PIK3C3: variants seen among roughly 807,000 people sequenced by gnomAD.
PIK3C3 encodes the protein PI3-kinase type 3.
Under a neutral mutation model 126.1 loss-of-function variants are expected in PIK3C3, and 95 were observed. The observed-to-expected ratio is 0.75, with a 90% CI of 0.64 to 0.89. PIK3C3 has a LOEUF of 0.89. PIK3C3 is among the 40% of genes least tolerant of loss of function. The pLI is 0.00. For synonymous variants in PIK3C3, 374 were observed against 360.0 expected, an observed-to-expected ratio of 1.04 and a Z score of -0.44; for missense variants, 829 against 1,063.2, an observed-to-expected ratio of 0.78 and a Z score of 3.06.
chr18:41,981,494 C>T (rs1293165734), intron 4 of PIK3C3, among the ~76,000 whole-genome samples: 2 of 152,110 alleles, frequency 1.3e-5, no homozygotes, highest in Non-Finnish European at 2.9e-5. Flanking sequence ...AGATTTGTGA[C>T]CAAGACTTCA....
chr18:42,063,987 T>A (rs1985431179), intron 22 of PIK3C3, among the ~76,000 whole-genome samples: 1 of 151,884 alleles, frequency 6.6e-6, no homozygotes, highest in Non-Finnish European at 1.5e-5. Flanking sequence ...AGTGGAGAGG[T>A]CCCAGTGGAG....
At chr18:42,007,038 A>G (rs1425666349) in intron 10 of PIK3C3, among the ~76,000 whole-genome samples, 2 of 151,166 alleles carry the variant, frequency 1.3e-5, no homozygotes, top group African/African-American at 4.9e-5. Context: ...TACTTTTTTG[A>G]ATTTCTTTTT....
chr18:41,987,358 A>C (rs111333478), intron 4 of PIK3C3, among the ~76,000 whole-genome samples: 1,646 of 152,216 alleles, frequency 0.011, 29 homozygotes, highest in African/African-American at 0.038. Context: ...GTGTGAGCTT[A>C]AACCTTAGAG....
chr18:42,029,386 G>C lies in PIK3C3; in HGVS notation c.1652G>C (p.Arg551Pro), dbSNP rs973274639. The C allele has an allele frequency of 1.2e-6, 2 of 1,613,646 alleles. No homozygotes were observed. The highest frequency in any genetic ancestry group is 1.7e-6 in the Non-Finnish European group (2 of 1,179,770). ...GCTGCACAACAGACATTTGTAGATCGGTTGGTGCATCTAATGAAGGCAGTA... is the reference window on the plus strand; with the variant it reads ...GCTGCACAACAGACATTTGTAGATCCGTTGGTGCATCTAATGAAGGCAGTA... ...LLAAQQTFVD[R>P]LVHLMKAVQR... The change falls in exon 15 of 25, where the codon CGG becomes CCG. Residue 551 changes from arginine to proline, a missense_variant. By Grantham distance (103) the Arg-to-Pro change is moderately radical. Around this residue, in one of 4 missense-constraint regions of PIK3C3, gnomAD observed 256 missense variants for 291.0 expected, o/e 0.88. Transcript: ENST00000262039.
chr18:42,066,219 C>T (rs1379219931), intron 23 of PIK3C3, among the ~76,000 whole-genome samples: 1 of 152,178 alleles, frequency 6.6e-6, no homozygotes, highest in African/African-American at 2.4e-5. Flanking sequence ...ATTTACCTCT[C>T]TTTTACCTCC....
intron 21 of PIK3C3, among the ~76,000 whole-genome samples, chr18:42,054,162 AT>A: frequency 2.1e-5 from 1 of 46,626 alleles, no homozygotes; most frequent in Non-Finnish European, 4.3e-5. Context: ...ATATATATAT[AT>A]ATATATATAT....
At chr18:42,004,681 A>G in intron 10 of PIK3C3, 140 bp downstream of exon 10, 1 of 636,774 alleles carries the variant, frequency 1.6e-6, no homozygotes, top group South Asian at 2.6e-5. Context: ...GGAAGAGGAT[A>G]TACTAGGTGT....
At chr18:42,015,605 C>A in intron 12 of PIK3C3, 39 bp downstream of exon 12, 1 of 1,367,450 alleles carries the variant, frequency 7.3e-7, no homozygotes, top group Non-Finnish European at 1.0e-6. Context: ...TAGGAGAGAT[C>A]CTACTGCATG....
At chr18:42,061,847 C>T (rs1228026247) in intron 22 of PIK3C3, among the ~76,000 whole-genome samples, 1 of 152,040 alleles carries the variant, frequency 6.6e-6, no homozygotes, top group Non-Finnish European at 1.5e-5. Flanking sequence ...GGAGGTAATC[C>T]AGAAAGCATT....
At chr18:42,046,467 C>T (rs898371011) in intron 20 of PIK3C3, among the ~76,000 whole-genome samples, 12 of 152,012 alleles carry the variant, frequency 7.9e-5, no homozygotes, top group Non-Finnish European at 1.5e-4. Flanking sequence ...GAAATAGGAT[C>T]AGTGGTCTAT....
intron 4 of PIK3C3, among the ~76,000 whole-genome samples, chr18:41,986,035 A>G (rs1384996167): frequency 6.6e-6 from 1 of 152,166 alleles, no homozygotes; most frequent in Non-Finnish European, 1.5e-5. Context: ...ATATTCGAGA[A>G]ACGACAGAAT....
intron 21 of PIK3C3, among the ~76,000 whole-genome samples, chr18:42,051,881 G>A (rs957725291): frequency 3.3e-5 from 5 of 151,906 alleles, no homozygotes; most frequent in African/African-American, 9.7e-5. Flanking sequence ...GCTAAATGAC[G>A]AGTTAATGGG....
chr18:41,972,117 A>G (rs1009922131), intron 4 of PIK3C3, among the ~76,000 whole-genome samples: 1 of 152,066 alleles, frequency 6.6e-6, no homozygotes, highest in African/African-American at 2.4e-5. Context: ...TTAATAGTAT[A>G]TCTTTTTCAT....
chr18:42,028,386 T>C (rs1450013080), intron 14 of PIK3C3, among the ~76,000 whole-genome samples: 7 of 152,226 alleles, frequency 4.6e-5, no homozygotes, highest in Non-Finnish European at 1.5e-5. Flanking sequence ...TTATTTTTCC[T>C]GTGTTCGATT....
chr18:42,033,770 G>A lies in PIK3C3; in HGVS notation c.1708-56G>A, dbSNP rs1983928699. Reference sequence around the variant, plus strand: ...ATCAATTTTTATGTCTTTACTATATGTTTTATAAACTACTCTTCTATTTTA... The same window carrying A: ...ATCAATTTTTATGTCTTTACTATATATTTTATAAACTACTCTTCTATTTTA... On this transcript the variant is annotated intron_variant, in intron 15 of 24. Coordinates refer to ENST00000262039, the MANE Select transcript of PIK3C3 (RefSeq NM_002647.4). The A allele has an allele frequency of 2.2e-6, 3 of 1,346,582 alleles. No individual in the cohort carries two copies. In the South Asian group the frequency reaches 4.1e-5, roughly 18 times the overall value. The allele number at this position is 1,346,582 out of a possible 1,614,324, so 83.4% of individuals were successfully genotyped here. A position where few individuals can be genotyped will look rare whatever the true frequency, so the allele number is the denominator to read the frequency against.
chr18:42,001,956 G>T (rs1420530282), intron 9 of PIK3C3, among the ~76,000 whole-genome samples: 2 of 152,154 alleles, frequency 1.3e-5, no homozygotes, highest in Admixed American at 1.3e-4. Context: ...GGCAATCTGT[G>T]TTCTATACAG....
chr18:42,070,121 A>G (rs930020946), intron 24 of PIK3C3, among the ~76,000 whole-genome samples: 1 of 152,190 alleles, frequency 6.6e-6, no homozygotes, highest in Non-Finnish European at 1.5e-5. Context: ...TCATCATTTC[A>G]GACTCCTGCC....
rs1983039864 is a variant in PIK3C3, at chr18:42,015,611, GCATGA to G, written c.1416+46_1416+50del. The stretch of plus-strand genomic sequence containing the variant: ...AGCTTCCTATAGGAGAGATCCTACT[GCATGA>G]ACATTTTATACTTGTCTTTAAAACC... On this transcript the variant is annotated intron_variant, in intron 12 of 24. Coordinates refer to ENST00000262039, the MANE Select transcript of PIK3C3 (RefSeq NM_002647.4). The G allele has an allele frequency of 6.1e-6, 8 of 1,311,278 alleles. No individual in the cohort carries two copies. In the East Asian group the frequency reaches 1.8e-4, roughly 30 times the overall value. The allele number at this position is 1,311,278 out of a possible 1,614,324, so 81.2% of individuals were successfully genotyped here.
chr18:41,957,407 A>T (rs974127732), intron 1 of PIK3C3, among the ~76,000 whole-genome samples, 163 bp from the exon 2 acceptor site: 2 of 152,256 alleles, frequency 1.3e-5, no homozygotes, highest in Non-Finnish European at 2.9e-5. Context: ...CATATACAGG[A>T]AAATGTTGTT....
Sources: gnomAD v4.1 joint callset for allele counts (sites outside exome capture counted in the v4.1 genomes callset) on GRCh38, gnomAD v4.1.1 for gene constraint, gnomAD v4.1.1 regional missense constraint, MANE v1.5 for transcripts, NCBI Gene and HGNC (gene_info 2026-07-23, HGNC 2026-07-21) for gene names.